SYT6: variants seen among roughly 807,000 people sequenced by gnomAD.
SYT6 encodes the protein synaptotagmin-6.
A neutral mutation model predicts 38.4 loss-of-function variants in SYT6; 24 were observed. That is an observed-to-expected ratio of 0.62 (90% CI 0.45 to 0.88). The LOEUF (loss-of-function observed/expected upper bound fraction) is 0.88. Among genes scored for constraint, SYT6 ranks in the 40% least tolerant of loss-of-function variants. The probability of loss-of-function intolerance (pLI) is 0.00; values close to 1 mark genes in which losing one functional copy is unlikely to be tolerated. For synonymous variants in SYT6, 265 were observed against 241.9 expected (o/e 1.10, Z -0.89); for missense variants, 611 against 621.0 (o/e 0.98, Z 0.17).
At chr1:114,134,388 T>C (rs909749790) in intron 3 of SYT6, among the ~76,000 whole-genome samples, 2 of 152,330 alleles carry the variant, frequency 1.3e-5, no homozygotes, top group Middle Eastern at 3.4e-3. Flanking sequence ...ATAGTTTTAA[T>C]TGAATTAAGT....
rs541838072 is a variant in SYT6, at chr1:114,115,667, G to A, written c.1072-11946C>T. 2.0e-4 allele frequency among the ~76,000 whole-genome samples: 31 copies of A among 152,080 alleles called. 1 individual carries two copies. In the South Asian group the frequency reaches 5.8e-3, roughly 29 times the overall value. ...CCCGACTTCATGATCTGCCCGCCTC[G>A]GCCTCCCTAAGTGCTGGGATTACAG... On this transcript the variant is annotated intron_variant, in intron 3 of 7. Coordinates refer to ENST00000610222, the MANE Select transcript of SYT6 (RefSeq NM_001253772.2).
At chr1:114,141,879 AC>A (rs1678885065) in intron 1 of SYT6, among the ~76,000 whole-genome samples, 1 of 152,234 alleles carries the variant, frequency 6.6e-6, no homozygotes, top group Admixed American at 6.5e-5. Context: ...AAATGGAAAA[AC>A]AAAACCTGGA....
In SYT6 at chr1:114,089,558, G is replaced by A. The variant is rs943024005; in HGVS notation, c.*2576C>T. 2 of 152,438 alleles carry A rather than the reference G, an allele frequency of 1.3e-5. No homozygotes were observed. The highest frequency in any genetic ancestry group is 3.4e-3 in the Middle Eastern group (1 of 294). The allele number at this position is 152,438 out of a possible 1,614,324, so 9.4% of individuals were successfully genotyped here. On this transcript the variant is annotated 3_prime_UTR_variant, in exon 8 of 8. Coordinates refer to ENST00000610222, the MANE Select transcript of SYT6 (RefSeq NM_001253772.2). ...TCATCAAAGCTCACAGCAACAACCC[G>A]AGAGGTTTCTCCGGCCAGAGAAAGC...
At chr1:114,153,179 G>T (rs1679537339) in intron 1 of SYT6, among the ~76,000 whole-genome samples, 1 of 152,192 alleles carries the variant, frequency 6.6e-6, no homozygotes, top group African/African-American at 2.4e-5. Context: ...ACAGACCGAC[G>T]CACGGACCCG....
intron 3 of SYT6, among the ~76,000 whole-genome samples, chr1:114,130,809 T>TA (rs1196811798): frequency 6.6e-6 from 1 of 152,166 alleles, no homozygotes; most frequent in Admixed American, 6.5e-5. Context: ...GCTTACCTCT[T>TA]ACTCCTGCCC....
chr1:114,124,535 G>A (rs1677615394), intron 3 of SYT6, among the ~76,000 whole-genome samples: 1 of 152,138 alleles, frequency 6.6e-6, no homozygotes, highest in Non-Finnish European at 1.5e-5. Flanking sequence ...TGTGCCACTG[G>A]GAAGTGGCAC....
chr1:114,147,420 T>C (rs1679210703), intron 1 of SYT6, among the ~76,000 whole-genome samples: 1 of 152,252 alleles, frequency 6.6e-6, no homozygotes. Flanking sequence ...GTAAAATGTT[T>C]TCATTCAGGC....
intron 3 of SYT6, among the ~76,000 whole-genome samples, chr1:114,126,521 GTC>G (rs1377014749): frequency 6.6e-6 from 1 of 152,188 alleles, no homozygotes; most frequent in Non-Finnish European, 1.5e-5. Context: ...CGACCAAATA[GTC>G]TCTCTCCAGG....
intron 4 of SYT6, among the ~76,000 whole-genome samples, chr1:114,100,662 C>A (rs985744098): frequency 1.1e-4 from 16 of 152,132 alleles, no homozygotes; most frequent in Non-Finnish European, 5.9e-5. Flanking sequence ...TTGAAAGGAC[C>A]CTCTCTTAGG....
At chr1:114,128,356 C>T (rs1261113854) in intron 3 of SYT6, among the ~76,000 whole-genome samples, 2 of 152,188 alleles carry the variant, frequency 1.3e-5, no homozygotes, top group African/African-American at 4.8e-5. Flanking sequence ...TAGTCTTGGC[C>T]TGAATTGCTC....
chr1:114,130,998 A>G (rs918648562), intron 3 of SYT6, among the ~76,000 whole-genome samples: 9 of 152,024 alleles, frequency 5.9e-5, no homozygotes, highest in Non-Finnish European at 1.5e-5. Context: ...CTGGGATCTC[A>G]TTCGACTTGA....
At chr1:114,128,930 C>T (rs1677914442) in intron 3 of SYT6, among the ~76,000 whole-genome samples, 1 of 152,200 alleles carries the variant, frequency 6.6e-6, no homozygotes, top group South Asian at 2.1e-4. Context: ...TATATGCCGA[C>T]ATCTCCAAAA....
intron 3 of SYT6, among the ~76,000 whole-genome samples, chr1:114,114,942 G>A (rs892534279): frequency 1.3e-5 from 2 of 152,168 alleles, no homozygotes; most frequent in African/African-American, 4.8e-5. Flanking sequence ...ACTTCCCTTT[G>A]CCTTTTTCCT....
At chr1:114,095,494 TG>T (rs1286759831) in intron 6 of SYT6, among the ~76,000 whole-genome samples, 1 of 152,054 alleles carries the variant, frequency 6.6e-6, no homozygotes, top group African/African-American at 2.4e-5. Flanking sequence ...GTAACAGGGA[TG>T]GGTTATTGCG....
At chr1:114,098,036 T>C (rs528935279) in intron 5 of SYT6, among the ~76,000 whole-genome samples, 159 bp from the exon 6 acceptor site, 1 of 152,172 alleles carries the variant, frequency 6.6e-6, no homozygotes, top group African/African-American at 2.4e-5. Context: ...TCAGTGGCGG[T>C]GAAGCCTTTG....
At chr1:114,125,614 T>TG (rs1173543918) in intron 3 of SYT6, among the ~76,000 whole-genome samples, 1 of 151,988 alleles carries the variant, frequency 6.6e-6, no homozygotes, top group African/African-American at 2.4e-5. Context: ...AGGGGGAGGA[T>TG]GGCTGCTGTA....
chr1:114,109,352 T>C (rs1331461371), intron 3 of SYT6, among the ~76,000 whole-genome samples: 3 of 152,204 alleles, frequency 2.0e-5, no homozygotes, highest in South Asian at 2.1e-4. Context: ...TGATGTGTAG[T>C]AAGTGCTCAG....
intron 3 of SYT6, among the ~76,000 whole-genome samples, chr1:114,130,265 C>A (rs1450619643): frequency 6.6e-6 from 1 of 151,814 alleles, no homozygotes; most frequent in Non-Finnish European, 1.5e-5. Context: ...TAGTCATTTG[C>A]CTTCTTCCAC....
intron 2 of SYT6, among the ~76,000 whole-genome samples, chr1:114,138,622 G>T (rs975024641): frequency 9.9e-5 from 15 of 152,160 alleles, no homozygotes; most frequent in Non-Finnish European, 5.9e-5. Flanking sequence ...TAAAAACGAG[G>T]ATAATAAAAG....
Sources: gnomAD v4.1 joint callset for allele counts (sites outside exome capture counted in the v4.1 genomes callset) on GRCh38, gnomAD v4.1.1 for gene constraint, MANE v1.5 for transcripts, NCBI Gene and HGNC (gene_info 2026-07-23, HGNC 2026-07-21) for gene names.